The following DCTN3 variants were observed in gnomAD, a reference collection of about 807,000 sequenced individuals.
The protein encoded by DCTN3 is dynactin 3 (p22).
In DCTN3, 25 loss-of-function variants were observed where a neutral mutation model predicts 28.4. The ratio of observed to expected loss-of-function variants is 0.88; its 90% CI spans 0.64 to 1.23. DCTN3 has a LOEUF of 1.23. DCTN3 is among the 50% of genes most tolerant of loss of function. The pLI is 0.00. For synonymous variants in DCTN3, 81 were observed against 91.4 expected (o/e 0.89, Z 0.65); for missense variants, 229 against 232.0 (o/e 0.99, Z 0.08).
intron 5 of DCTN3, 149 bp from the exon 6 acceptor site, chr9:34,614,250 A>G: frequency 6.4e-7 from 1 of 1,551,158 alleles, no homozygotes; most frequent in South Asian, 1.2e-5. Context: ...TGGCTATGGG[A>G]GCACTTTCAG....
intron 1 of DCTN3, among the ~76,000 whole-genome samples, 168 bp downstream of exon 1, chr9:34,620,201 A>T (rs758134716): frequency 6.6e-6 from 1 of 152,102 alleles, no homozygotes; most frequent in Admixed American, 6.5e-5. Flanking sequence ...AGAGCCCCCT[A>T]TGACAGTGGA....
In DCTN3 at chr9:34,616,010, C is replaced by A; in HGVS notation, c.352+20G>T. ...TACCTCCCCAACCAGAGTAGTGAAG[C>A]TATAACCCCAGAGAGATACCTTTGA... is the stretch of plus-strand genomic sequence containing the variant. On this transcript the variant is annotated intron_variant, in intron 4 of 6. Transcript: ENST00000259632. This position sits in a 1 kb window ranked among gnomAD's most constrained non-coding sequence, Gnocchi z 4.7. 1 of 1,608,246 alleles carries A rather than the reference C, an allele frequency of 6.2e-7. No homozygotes were observed. The highest frequency in any genetic ancestry group is 8.5e-7 in the Non-Finnish European group (1 of 1,175,152).
chr9:34,616,852 T>G lies in DCTN3; in HGVS notation c.269-739A>C, dbSNP rs1820434979. 6.6e-6 allele frequency: 1 copy of G among 152,210 alleles called. No homozygotes were observed. The highest frequency in any genetic ancestry group is 1.5e-5 in the Non-Finnish European group (1 of 68,058). The allele number at this position is 152,210 out of a possible 1,614,324, so 9.4% of individuals were successfully genotyped here. ...AATGGCAGACTATGGAATTAGGACTTTATCCTAGCAAGGCAGGATACACTG... is the reference window on the plus strand; with the variant it reads ...AATGGCAGACTATGGAATTAGGACTGTATCCTAGCAAGGCAGGATACACTG... On this transcript the variant is annotated intron_variant, in intron 3 of 6. Coordinates refer to ENST00000259632, the MANE Select transcript of DCTN3 (RefSeq NM_007234.5). This position sits in a 1 kb window ranked among gnomAD's most constrained non-coding sequence, Gnocchi z 4.7.
rs757212302 is a variant in DCTN3, at chr9:34,613,767, G to A, written c.*15C>T. On this transcript the variant is annotated 3_prime_UTR_variant, in exon 7 of 7. Coordinates refer to ENST00000259632, the MANE Select transcript of DCTN3 (RefSeq NM_007234.5). Reference sequence around the variant, plus strand: ...GCCTGACTGCCCAGGCCCACTTTGGGATGGGGAGCAGCTATCACTCCTCTG... The same window carrying A: ...GCCTGACTGCCCAGGCCCACTTTGGAATGGGGAGCAGCTATCACTCCTCTG... The A allele has an allele frequency of 1.2e-6, 2 of 1,613,454 alleles. No homozygotes were observed. The highest frequency in any genetic ancestry group is 1.1e-5 in the South Asian group (1 of 90,830).
At chr9:34,618,115 C>T (rs1291435765) in intron 2 of DCTN3, 144 bp from the exon 3 acceptor site, 4 of 710,990 alleles carry the variant, frequency 5.6e-6, no homozygotes, top group Non-Finnish European at 9.1e-6. Context: ...CAGGGCTCCA[C>T]CAGGCTCCCT....
In DCTN3 at chr9:34,616,135, T is replaced by C. The variant is rs781624193; in HGVS notation, c.269-22A>G. 32 of 1,606,878 alleles carry C rather than the reference T, an allele frequency of 2.0e-5. No individual in the cohort carries two copies. In the Middle Eastern group the frequency reaches 6.6e-4, roughly 33 times the overall value. Reference sequence around the variant, plus strand: ...TCCTCTAAAGCAAAAATGGACAAGATAGTTGCAGTGAAGCAAACCTGGGCA... The same window carrying C: ...TCCTCTAAAGCAAAAATGGACAAGACAGTTGCAGTGAAGCAAACCTGGGCA... On this transcript the variant is annotated intron_variant, in intron 3 of 6. Coordinates refer to ENST00000259632, the MANE Select transcript of DCTN3 (RefSeq NM_007234.5). This position sits in a 1 kb window ranked among gnomAD's most constrained non-coding sequence, Gnocchi z 4.7.
chr9:34,620,300 C>T (rs1820524261), intron 1 of DCTN3, 69 bp downstream of exon 1: 4 of 1,412,500 alleles, frequency 2.8e-6, no homozygotes, highest in Non-Finnish European at 4.0e-6. Context: ...GCGGTTGCAT[C>T]CCGAGGGCCA....
chr9:34,618,684 T>C lies in DCTN3; in HGVS notation c.173A>G (p.Tyr58Cys), dbSNP rs556543161. 3 of 1,613,932 alleles carry C rather than the reference T, an allele frequency of 1.9e-6. No homozygotes were observed. In the African/African-American group the frequency reaches 4.0e-5, roughly 22 times the overall value. Residue 58 changes from tyrosine (Y) to cysteine (C), a missense_variant, in exon 2 of 7, where the codon TAC becomes TGC. Physicochemically the swap from Tyr to Cys is radical, Grantham distance 194. Coordinates refer to ENST00000259632, the MANE Select transcript of DCTN3 (RefSeq NM_007234.5). ...SSKRERVKIL[Y>C]KKIEDLIKYL... ...ATCATGGAAGCACTTACTCTTTTTG[T>C]AGAGAATCTTCACCCTCTCCCTCTT... is the stretch of plus-strand genomic sequence containing the variant.
chr9:34,620,300 C>A, intron 1 of DCTN3, 69 bp downstream of exon 1: 1 of 1,412,498 alleles, frequency 7.1e-7, no homozygotes, highest in Non-Finnish European at 9.9e-7. Flanking sequence ...GCGGTTGCAT[C>A]CCGAGGGCCA....
At chr9:34,619,099 A>T (rs766024778) in intron 1 of DCTN3, among the ~76,000 whole-genome samples, 1 of 152,156 alleles carries the variant, frequency 6.6e-6, no homozygotes, top group Non-Finnish European at 1.5e-5. Context: ...AGCCTTCATG[A>T]CCTCTAGATT....
intron 4 of DCTN3, 38 bp downstream of exon 4, chr9:34,615,992 C>T (rs781540208): frequency 2.5e-6 from 4 of 1,579,874 alleles, no homozygotes; most frequent in Non-Finnish European, 3.5e-6. Context: ...ACCTACCTCC[C>T]CAACCAGAGT....
At chr9:34,617,752 C>T (rs190614569) in intron 3 of DCTN3, 133 bp downstream of exon 3, 10 of 1,529,802 alleles carry the variant, frequency 6.5e-6, no homozygotes, top group African/African-American at 4.1e-5. Flanking sequence ...AACCCAGAAC[C>T]AGGCCACAAT....
In DCTN3 at chr9:34,614,788, C is replaced by T; in HGVS notation, c.353-20G>A. The T allele has an allele frequency of 6.2e-7, 1 of 1,613,812 alleles. No individual in the cohort carries two copies. The highest frequency in any genetic ancestry group is 8.5e-7 in the Non-Finnish European group (1 of 1,179,992). On this transcript the variant is annotated intron_variant, in intron 4 of 6. Coordinates refer to ENST00000259632, the MANE Select transcript of DCTN3 (RefSeq NM_007234.5). ...GAACGGCTGTAAAACACAACACACA[C>T]TGCTGGATGATGCTTGTGCCCTCCC...
chr9:34,620,476 A>T lies in DCTN3; in HGVS notation c.-12T>A. The T allele has an allele frequency of 6.5e-7, 1 of 1,548,108 alleles. No individual in the cohort carries two copies. The highest frequency in any genetic ancestry group is 8.7e-7 in the Non-Finnish European group (1 of 1,146,860). ...GTCAGACCCGCCATCGCTACTACCG[A>T]CCCACCTCGGCCAGGAAACAGCCAG... On this transcript the variant is annotated 5_prime_UTR_variant, in exon 1 of 7. Coordinates refer to ENST00000259632, the MANE Select transcript of DCTN3 (RefSeq NM_007234.5).
chr9:34,615,265 G>T (rs1820397140), intron 4 of DCTN3: 1 of 155,404 alleles, frequency 6.4e-6, no homozygotes. Context: ...TAGGGAGGGG[G>T]AGCTGGGAAA....
intron 5 of DCTN3, chr9:34,614,425 T>G (rs1587203680): frequency 1.3e-5 from 8 of 623,024 alleles, no homozygotes; most frequent in African/African-American, 9.2e-5. Flanking sequence ...AAAGAGCCCC[T>G]CTACCCACAG....
rs1303550761 is a variant in DCTN3, at chr9:34,618,733, C to A, written c.124G>T (p.Val42Leu). 2 of 1,614,186 alleles carry A rather than the reference C, an allele frequency of 1.2e-6. No individual in the cohort carries two copies. Among genetic ancestry groups the A allele is most frequent in the Non-Finnish European group, 1.7e-6 (2 of 1,180,038 alleles). The stretch of plus-strand genomic sequence containing the variant: ...TTGCTGGAAATGTTCCCCAAAGCCA[C>A]CTGCACCTTGACCAGGCCGTCAGCC... ...KVADGLVKVQ[V>L]ALGNISSKRE... The change falls in exon 2 of 7, where the codon GTG becomes TTG. Residue 42 changes from valine to leucine, a missense_variant. By Grantham distance (32) the Val-to-Leu change is conservative. Transcript: ENST00000259632.
chr9:34,617,656 G>A, intron 3 of DCTN3: 1 of 1,459,506 alleles, frequency 6.9e-7, no homozygotes, highest in Non-Finnish European at 9.2e-7. Context: ...CACTGGACTA[G>A]CTCCCACTGT....
Position 34,617,966 on chromosome 9 carries a change from C to T in DCTN3, c.187G>A (p.Asp63Asn). ...RVKILYKKIE[D>N]LIKYLDPEYI... ...TCAGGATCCAGGTACTTGATCAGAT[C>T]TTCAACTAGAAAAGTAGCAAGATGG... Residue 63 changes from aspartate to asparagine, a missense_variant, in exon 3 of 7, where the codon GAT becomes AAT. Transcript: ENST00000259632. 5.0e-6 allele frequency: 8 copies of T among 1,612,614 alleles called. No homozygotes were observed. The highest frequency in any genetic ancestry group is 6.8e-6 in the Non-Finnish European group (8 of 1,178,762).
Sources: gnomAD v4.1 joint callset for allele counts (sites outside exome capture counted in the v4.1 genomes callset) on GRCh38, gnomAD v4.1.1 for gene constraint, Gnocchi (gnomAD v3.1) non-coding constraint, MANE v1.5 for transcripts, NCBI Gene and HGNC (gene_info 2026-07-23, HGNC 2026-07-21) for gene names.